The following EEFSEC variants were observed in gnomAD, a reference collection of about 807,000 sequenced individuals.
EEFSEC encodes selenocysteine-specific elongation factor.
Under a neutral mutation model 42.1 loss-of-function variants are expected in EEFSEC, and 43 were observed. The ratio of observed to expected loss-of-function variants is 1.02; its 90% CI spans 0.80 to 1.32. The LOEUF is 1.32. EEFSEC is among the 40% of genes most tolerant of loss of function. EEFSEC has a pLI of 0.00. For missense variants in EEFSEC, 745 were observed against 803.6 expected (o/e 0.93, Z 0.88); for synonymous variants, 354 against 339.1 (o/e 1.04, Z -0.48).
intron 1 of EEFSEC, among the ~76,000 whole-genome samples, chr3:128,234,186 G>A (rs930279219): frequency 6.6e-6 from 1 of 152,020 alleles, no homozygotes; most frequent in African/African-American, 2.4e-5. Flanking sequence ...CTGAGTAGCT[G>A]GGATTACAGG....
chr3:128,351,546 T>C (rs1423190833), intron 5 of EEFSEC, among the ~76,000 whole-genome samples: 2 of 152,228 alleles, frequency 1.3e-5, no homozygotes, highest in East Asian at 3.8e-4. Context: ...CAGGGCTCCA[T>C]TTCATGGCAC....
chr3:128,364,803 G>A (rs62270894), intron 6 of EEFSEC, among the ~76,000 whole-genome samples: 195 of 152,342 alleles, frequency 1.3e-3, no homozygotes, highest in Middle Eastern at 0.01. Context: ...CTGTCCCGGA[G>A]CTGCCATTTA....
intron 1 of EEFSEC, among the ~76,000 whole-genome samples, chr3:128,171,754 CTA>C (rs1371377245): frequency 2.0e-5 from 3 of 150,908 alleles, no homozygotes; most frequent in African/African-American, 4.9e-5. Flanking sequence ...TGGTGTTTTT[CTA>C]TAGAGACTTT....
rs543672802 is a variant in EEFSEC at position 128,394,715 on chromosome 3, G to T, written c.1601-13354G>T. Reference sequence around the variant, plus strand: ...AGGAACCATGCTCCCCCAATGGCCAGCCTTGGGGGGCTGTCTGAGGAGGAG... The same window carrying T: ...AGGAACCATGCTCCCCCAATGGCCATCCTTGGGGGGCTGTCTGAGGAGGAG... On this transcript the variant is annotated intron_variant, in intron 6 of 6. Coordinates refer to ENST00000254730, the MANE Select transcript of EEFSEC (RefSeq NM_021937.5). 7.9e-5 allele frequency among the ~76,000 whole-genome samples: 12 copies of T among 152,290 alleles called. No homozygotes were observed. The South Asian group carries it at 2.5e-3, about 32-fold the overall frequency.
intron 4 of EEFSEC, among the ~76,000 whole-genome samples, chr3:128,320,457 C>T (rs779362431): frequency 2.0e-5 from 3 of 152,230 alleles, no homozygotes; most frequent in Non-Finnish European, 4.4e-5. Context: ...AATGTAACCT[C>T]ACAAATGCCC....
At chr3:128,287,752 T>TA (rs1265046158) in intron 4 of EEFSEC, among the ~76,000 whole-genome samples, 2 of 152,180 alleles carry the variant, frequency 1.3e-5, no homozygotes, top group Non-Finnish European at 2.9e-5. Context: ...TTTTAATTGT[T>TA]AAAAAAATAG....
At chr3:128,330,473 T>C (rs534095294) in intron 4 of EEFSEC, among the ~76,000 whole-genome samples, 8 of 152,284 alleles carry the variant, frequency 5.3e-5, no homozygotes, top group Non-Finnish European at 1.0e-4. Context: ...GGACAGATGC[T>C]AACAGGTTAC....
chr3:128,416,216 CAG>C, the EEFSEC span, among the ~76,000 whole-genome samples: 1 of 152,150 alleles, frequency 6.6e-6, no homozygotes, highest in Non-Finnish European at 1.5e-5. Flanking sequence ...GGTGGGAACA[CAG>C]AGGCTGCTGG....
At chr3:128,212,801 A>G (rs911406497) in intron 1 of EEFSEC, among the ~76,000 whole-genome samples, 1 of 152,226 alleles carries the variant, frequency 6.6e-6, no homozygotes. Context: ...CAAAGCCAAC[A>G]TGATGAAATG....
chr3:128,350,418 T>C (rs2067370575), intron 5 of EEFSEC, among the ~76,000 whole-genome samples: 1 of 152,176 alleles, frequency 6.6e-6, no homozygotes, highest in South Asian at 2.1e-4. Context: ...CTCGCTCCCC[T>C]GGGTCCCTGC....
intron 1 of EEFSEC, among the ~76,000 whole-genome samples, chr3:128,205,397 A>T (rs561466269): frequency 1.6e-4 from 24 of 152,144 alleles, no homozygotes; most frequent in Admixed American, 7.9e-4. Context: ...AGTTGAGCCT[A>T]ATGAGGGGAA....
At chr3:128,189,452 C>A (rs1407968742) in intron 1 of EEFSEC, among the ~76,000 whole-genome samples, 1 of 152,200 alleles carries the variant, frequency 6.6e-6, no homozygotes, top group Non-Finnish European at 1.5e-5. Flanking sequence ...AGTCTTATAG[C>A]ACATATAGTT....
chr3:128,392,667 C>T (rs911143938), intron 6 of EEFSEC, among the ~76,000 whole-genome samples: 11 of 152,246 alleles, frequency 7.2e-5, no homozygotes, highest in African/African-American at 1.7e-4. Flanking sequence ...CTGCCCCTCA[C>T]GCCAAGCTCC....
chr3:128,206,942 A>G (rs2065703297), intron 1 of EEFSEC, among the ~76,000 whole-genome samples: 1 of 152,146 alleles, frequency 6.6e-6, no homozygotes, highest in Admixed American at 6.6e-5. Context: ...GTCCGCACCA[A>G]ACACAGGCTC....
the EEFSEC span, among the ~76,000 whole-genome samples, chr3:128,419,099 T>G: frequency 7.9e-5 from 12 of 152,302 alleles, 1 homozygote; most frequent in African/African-American, 2.6e-4. Context: ...GGGAATTTGA[T>G]GCTATTAGGA....
chr3:128,241,206 T>TTTC (rs1403573265), intron 1 of EEFSEC, among the ~76,000 whole-genome samples: 1 of 141,496 alleles, frequency 7.1e-6, no homozygotes, highest in East Asian at 2.2e-4. Context: ...TCTCTCTTTT[T>TTTC]TTTTTTTTTT....
At chr3:128,196,230 T>C (rs2065583424) in intron 1 of EEFSEC, among the ~76,000 whole-genome samples, 1 of 152,270 alleles carries the variant, frequency 6.6e-6, no homozygotes, top group African/African-American at 2.4e-5. Flanking sequence ...CAAATGAAAT[T>C]ATTCGTTTAT....
intron 1 of EEFSEC, among the ~76,000 whole-genome samples, chr3:128,177,362 G>T (rs766342781): frequency 3.0e-4 from 46 of 151,842 alleles, no homozygotes; most frequent in Non-Finnish European, 1.2e-4. Flanking sequence ...CTTGTTGGGG[G>T]TGTCCTCCTT....
At chr3:128,225,188 G>A (rs967278595) in intron 1 of EEFSEC, among the ~76,000 whole-genome samples, 4 of 152,034 alleles carry the variant, frequency 2.6e-5, no homozygotes, top group Non-Finnish European at 5.9e-5. Flanking sequence ...CCCAGCCCTA[G>A]GTCAGTGTCT....
Sources: gnomAD v4.1 joint callset for allele counts (sites outside exome capture counted in the v4.1 genomes callset) on GRCh38, gnomAD v4.1.1 for gene constraint, MANE v1.5 for transcripts, NCBI Gene and HGNC (gene_info 2026-07-23, HGNC 2026-07-21) for gene names.